The following MAST4 variants were observed in gnomAD, a reference collection of about 807,000 sequenced individuals.
MAST4 encodes the protein microtubule-associated serine/threonine-protein kinase 4.
Under a neutral mutation model 162.7 loss-of-function variants are expected in MAST4, and 89 were observed. The observed-to-expected ratio is 0.55, with a 90% CI of 0.46 to 0.65. The LOEUF is 0.65. Among genes scored for constraint, MAST4 ranks in the 30% least tolerant of loss-of-function variants. The pLI, the probability that MAST4 is intolerant of heterozygous loss-of-function variation, is 0.00. For synonymous variants in MAST4, 1,479 were observed against 1,361.1 expected, an observed-to-expected ratio of 1.09 and a Z score of -1.91; for missense variants, 3,153 against 3,374.0, an observed-to-expected ratio of 0.93 and a Z score of 1.62.
At chr5:66,948,287 G>A (rs187940342) in intron 4 of MAST4, among the ~76,000 whole-genome samples, 5 of 152,296 alleles carry the variant, frequency 3.3e-5, no homozygotes, top group East Asian at 1.9e-4. Flanking sequence ...GATAAGATAC[G>A]TGTGCAATCT....
intron 5 of MAST4, among the ~76,000 whole-genome samples, chr5:67,066,310 A>T (rs2150628552): frequency 1.3e-5 from 2 of 151,704 alleles, no homozygotes; most frequent in East Asian, 3.9e-4. Context: ...AATATAAATC[A>T]TCTATATTCT....
rs145420197 is a variant in MAST4 at position 66,612,421 on chromosome 5, C to G, written c.363+15403C>G. On this transcript the variant is annotated intron_variant, in intron 1 of 28. Coordinates refer to ENST00000403625, the MANE Select transcript of MAST4 (RefSeq NM_001164664.2). ...CCGAGTACCCTGGCTGCTGCCAACT[C>G]GGCTTGCTCTGGGGCTAGAGCTGGT... 2.6e-5 allele frequency among the ~76,000 whole-genome samples: 4 copies of G among 152,314 alleles called. No homozygotes were observed. In the East Asian group the frequency reaches 7.7e-4, roughly 29 times the overall value.
At chr5:66,879,312 A>G (rs1293664417) in intron 3 of MAST4, among the ~76,000 whole-genome samples, 2 of 148,104 alleles carry the variant, frequency 1.4e-5, no homozygotes, top group African/African-American at 5.0e-5. Flanking sequence ...TTGTACTGAT[A>G]TATATATATA....
chr5:66,825,377 G>T (rs1014301143), intron 3 of MAST4, among the ~76,000 whole-genome samples: 1 of 150,964 alleles, frequency 6.6e-6, no homozygotes, highest in Admixed American at 6.6e-5. Flanking sequence ...TGTCTTCAGC[G>T]CTATTACGAT....
chr5:66,996,169 C>T (rs768518692), intron 4 of MAST4, among the ~76,000 whole-genome samples: 6 of 151,936 alleles, frequency 3.9e-5, no homozygotes, highest in Non-Finnish European at 5.9e-5. Context: ...ATCCCGGCTA[C>T]TCGGGAGGCT....
intron 10 of MAST4, among the ~76,000 whole-genome samples, 175 bp downstream of exon 10, chr5:67,104,750 C>T (rs1765409646): frequency 6.7e-6 from 1 of 150,320 alleles, no homozygotes; most frequent in African/African-American, 2.4e-5. Context: ...TGATTCTGGT[C>T]TTTATTTATA....
chr5:67,153,705 A>C, intron 26 of MAST4, 125 bp downstream of exon 26: 94 of 909,668 alleles, frequency 1.0e-4, no homozygotes, highest in Non-Finnish European at 1.4e-4. Flanking sequence ...CATTAGTCTC[A>C]AGTTTAAAGA....
intron 1 of MAST4, among the ~76,000 whole-genome samples, chr5:66,741,382 A>G (rs570567736): frequency 4.3e-4 from 65 of 152,334 alleles, no homozygotes; most frequent in South Asian, 6.2e-4. Flanking sequence ...TGCTCAGTGA[A>G]TTTATATAAA....
At position 67,149,514 on chromosome 5, in the gene MAST4, A is replaced by G. The variant is rs756319305; in HGVS notation, c.3220A>G (p.Thr1074Ala). The G allele has an allele frequency of 1.2e-6, 2 of 1,613,884 alleles. No individual in the cohort carries two copies. The highest frequency in any genetic ancestry group is 4.5e-5 in the East Asian group (2 of 44,890). ...SHMARQRLES[T>A]EKKKISGKVT... ...CATGGCTCGGCAGCGATTAGAAAGC[A>G]CAGAAAAAAAGAAAATCTCGGGGAA... Residue 1074 changes from threonine (T) to alanine (A), a missense_variant, in exon 24 of 29, where the codon ACA (threonine) becomes GCA (alanine). Transcript: ENST00000403625.
chr5:66,811,760 T>C (rs577766698), intron 3 of MAST4, among the ~76,000 whole-genome samples: 3 of 152,320 alleles, frequency 2.0e-5, no homozygotes, highest in African/African-American at 7.2e-5. Flanking sequence ...TTTGACCTGT[T>C]ACTCTCAAAC....
chr5:67,091,397 A>C (rs1309601334), intron 6 of MAST4, among the ~76,000 whole-genome samples: 2 of 152,174 alleles, frequency 1.3e-5, no homozygotes, highest in Non-Finnish European at 2.9e-5. Flanking sequence ...TAAAAACATC[A>C]TCTCCAGGGA....
At chr5:66,998,288 G>A (rs1480105455) in intron 4 of MAST4, among the ~76,000 whole-genome samples, 1 of 152,182 alleles carries the variant, frequency 6.6e-6, no homozygotes, top group Non-Finnish European at 1.5e-5. Context: ...GAAGCACCTT[G>A]TCCTTGAAGT....
chr5:67,124,369 T>A (rs908670353), intron 14 of MAST4, among the ~76,000 whole-genome samples: 3 of 152,150 alleles, frequency 2.0e-5, no homozygotes, highest in Non-Finnish European at 4.4e-5. Flanking sequence ...CACTTAACAG[T>A]GTTACATGTC....
chr5:67,052,072 T>G (rs553364230), intron 4 of MAST4, among the ~76,000 whole-genome samples: 40 of 152,212 alleles, frequency 2.6e-4, no homozygotes, highest in Admixed American at 9.2e-4. Flanking sequence ...TTCGATAATT[T>G]GTTTTGTGTA....
intron 5 of MAST4, among the ~76,000 whole-genome samples, chr5:67,057,146 T>C (rs539092444): frequency 6.6e-6 from 1 of 152,134 alleles, no homozygotes; most frequent in African/African-American, 2.4e-5. Context: ...GAAAAACATG[T>C]GAATACGATA....
intron 4 of MAST4, among the ~76,000 whole-genome samples, chr5:66,946,221 A>T (rs999750038): frequency 2.0e-5 from 3 of 152,180 alleles, no homozygotes; most frequent in Non-Finnish European, 4.4e-5. Flanking sequence ...AAGGTGACTG[A>T]GAAGGAAATA....
At chr5:66,700,821 A>G (rs1035676417) in intron 1 of MAST4, among the ~76,000 whole-genome samples, 5 of 151,446 alleles carry the variant, frequency 3.3e-5, no homozygotes, top group Non-Finnish European at 5.9e-5. Flanking sequence ...ACACACACAC[A>G]CACACATATA....
intron 1 of MAST4, among the ~76,000 whole-genome samples, chr5:66,640,261 T>C (rs1417091179): frequency 6.6e-6 from 1 of 152,186 alleles, no homozygotes; most frequent in African/African-American, 2.4e-5. Context: ...TCTTGAGGGC[T>C]AATATTCCAC....
intron 3 of MAST4, among the ~76,000 whole-genome samples, chr5:66,823,486 G>C (rs1474349697): frequency 1.3e-5 from 2 of 152,160 alleles, no homozygotes; most frequent in Non-Finnish European, 2.9e-5. Context: ...GTTGGCCTTT[G>C]TTTTGTTTTG....
Sources: gnomAD v4.1 joint callset for allele counts (sites outside exome capture counted in the v4.1 genomes callset) on GRCh38, gnomAD v4.1.1 for gene constraint, MANE v1.5 for transcripts, NCBI Gene and HGNC (gene_info 2026-07-23, HGNC 2026-07-21) for gene names.